Variants in RBBP8 observed in about 807,000 individuals in gnomAD.
RBBP8 encodes the protein RB binding protein 8, endonuclease.
Under a neutral mutation model 108.3 loss-of-function variants are expected in RBBP8, and 88 were observed. That is an observed-to-expected ratio of 0.81 (90% CI 0.68 to 0.97). RBBP8 has a LOEUF of 0.97. RBBP8 is among the 50% of genes least tolerant of loss of function. The pLI, the probability that RBBP8 is intolerant of heterozygous loss-of-function variation, is 0.00. For missense variants in RBBP8, 1,023 were observed against 1,049.0 expected, an observed-to-expected ratio of 0.98 and a Z score of 0.34; for synonymous variants, 332 against 348.2, an observed-to-expected ratio of 0.95 and a Z score of 0.52.
intron 18 of RBBP8, among the ~76,000 whole-genome samples, chr18:23,025,772 C>G (rs1406757963): frequency 2.6e-5 from 4 of 152,182 alleles, no homozygotes; most frequent in Non-Finnish European, 4.4e-5. Context: ...AGTTCTGGTT[C>G]TGGAATAAGA....
chr18:22,995,046 AT>A lies in RBBP8; in HGVS notation c.1939+1209del, dbSNP rs1051135056. 7.3e-5 allele frequency among the ~76,000 whole-genome samples: 11 copies of A among 150,088 alleles called. No homozygotes were observed. In the South Asian group the frequency reaches 1.1e-3, roughly 14 times the overall value. On this transcript the variant is annotated intron_variant, in intron 12 of 18. Coordinates refer to ENST00000327155, the MANE Select transcript of RBBP8 (RefSeq NM_002894.3). Reference sequence around the variant, plus strand: ...CCAGCCTGCTATCTTTAAAAAAGTAATTTTTTTTTTCAGCCACCAAACATTT... The same window carrying A: ...CCAGCCTGCTATCTTTAAAAAAGTAATTTTTTTTTCAGCCACCAAACATTT...
At chr18:22,966,791 A>G (rs1913642856) in intron 4 of RBBP8, among the ~76,000 whole-genome samples, 1 of 141,036 alleles carries the variant, frequency 7.1e-6, no homozygotes, top group Non-Finnish European at 1.5e-5. Flanking sequence ...CAATGGCACT[A>G]TCTCAGCTTA....
In RBBP8 at chr18:22,987,507, G is replaced by A. The variant is rs74967567; in HGVS notation, c.710-1714G>A. Among the ~76,000 whole-genome samples the A allele has an allele frequency of 1.6e-3, 237 of 152,226 alleles. 1 individual carries two copies. The highest frequency in any genetic ancestry group is 5.4e-3 in the African/African-American group (226 of 41,530). ...CTGTCCCTGTCACCCAGGCTGGAGT[G>A]CAGTGGCACAAACACAGCTCACTGC... On this transcript the variant is annotated intron_variant, in intron 8 of 18. Transcript: ENST00000327155.
At chr18:22,928,958 C>T (rs1190578239), upstream of RBBP8, among the ~76,000 whole-genome samples, 1 of 152,174 alleles carries the variant, frequency 6.6e-6, no homozygotes, top group Non-Finnish European at 1.5e-5. Context: ...GCGTAAGCTA[C>T]CGCACCAGTC....
At chr18:22,941,998 C>T (rs1409911853) in intron 2 of RBBP8, among the ~76,000 whole-genome samples, 1 of 152,080 alleles carries the variant, frequency 6.6e-6, no homozygotes, top group African/African-American at 2.4e-5. Flanking sequence ...ATATGTTCCA[C>T]ATAGTTCCAT....
chr18:23,014,584 G>A (rs548542432), intron 16 of RBBP8, among the ~76,000 whole-genome samples: 1 of 152,268 alleles, frequency 6.6e-6, no homozygotes, highest in East Asian at 1.9e-4. Context: ...AGTAAGCTAT[G>A]CTCATGCCAC....
chr18:22,949,551 G>T, intron 3 of RBBP8, 67 bp from the exon 4 acceptor site: 1 of 1,129,840 alleles, frequency 8.9e-7, no homozygotes. Flanking sequence ...AAACACGGTG[G>T]AGCTCTTAGA....
At chr18:22,918,612 GTTTT>G (rs1909459695) in intron 3 of RBBP8, among the ~76,000 whole-genome samples, 5 of 152,102 alleles carry the variant, frequency 3.3e-5, no homozygotes, top group African/African-American at 9.7e-5. Context: ...TGCCTTCTGA[GTTTT>G]CCAACAGCTT....
rs141490557 is a variant in RBBP8, at chr18:23,002,464, T to G, written c.2287+735T>G. Among the ~76,000 whole-genome samples, 383 of 152,312 alleles carry G rather than the reference T, an allele frequency of 2.5e-3. 2 individuals are homozygous for G. The highest frequency in any genetic ancestry group is 0.017 in the Middle Eastern group (5 of 294). On this transcript the variant is annotated intron_variant, in intron 15 of 18. Transcript: ENST00000327155. ...AGGAAAATTCAGATCTGTTTTCTGCTGTGAATGCTTTATCTTACCAGACAA... is the reference window on the plus strand; with the variant it reads ...AGGAAAATTCAGATCTGTTTTCTGCGGTGAATGCTTTATCTTACCAGACAA...
chr18:22,996,566 C>A, intron 13 of RBBP8, 104 bp downstream of exon 13: 1 of 1,511,476 alleles, frequency 6.6e-7, no homozygotes, highest in South Asian at 1.2e-5. Flanking sequence ...TAATCAGATA[C>A]GTCTTAAAAC....
At chr18:22,963,927 A>G (rs1183044647) in intron 4 of RBBP8, among the ~76,000 whole-genome samples, 1 of 152,234 alleles carries the variant, frequency 6.6e-6, no homozygotes, top group East Asian at 1.9e-4. Flanking sequence ...ATGCTTAAAA[A>G]AAATTAATGA....
At chr18:22,942,676 G>A (rs1323539789) in intron 2 of RBBP8, among the ~76,000 whole-genome samples, 1 of 151,948 alleles carries the variant, frequency 6.6e-6, no homozygotes, top group African/African-American at 2.4e-5. Flanking sequence ...TTTAAATTCC[G>A]AACTCACAGA....
At chr18:22,917,072 A>G (rs1469069944) in intron 3 of RBBP8, 6 of 152,212 alleles carry the variant, frequency 3.9e-5, no homozygotes, top group Non-Finnish European at 7.3e-5. Flanking sequence ...AACATTTTTA[A>G]TTTGAGGAAT....
At position 22,994,301 on chromosome 18, in the gene RBBP8, G is replaced by A. The variant is rs149154752; in HGVS notation, c.1939+454G>A. Among the ~76,000 whole-genome samples, 3 of 149,322 alleles carry A rather than the reference G, an allele frequency of 2.0e-5. No individual in the cohort carries two copies. In the East Asian group the frequency reaches 6.0e-4, roughly 30 times the overall value. ...GCCTCCCAAAGTGCTGGGATTACAG[G>A]CGTGAGTCACTGCGCCCGGCCACTT... On this transcript the variant is annotated intron_variant, in intron 12 of 18. Coordinates refer to ENST00000327155, the MANE Select transcript of RBBP8 (RefSeq NM_002894.3).
chr18:22,967,077 T>A (rs1913665644), intron 4 of RBBP8, among the ~76,000 whole-genome samples: 3 of 152,058 alleles, frequency 2.0e-5, no homozygotes, highest in Admixed American at 2.0e-4. Flanking sequence ...TTGAAATTAT[T>A]ATCTTTGGGC....
intron 6 of RBBP8, among the ~76,000 whole-genome samples, chr18:22,981,949 G>A (rs190500876): frequency 1.3e-5 from 2 of 152,122 alleles, no homozygotes; most frequent in African/African-American, 2.4e-5. Flanking sequence ...CAGACTGTGG[G>A]TTCTCTCCTG....
chr18:22,985,308 G>T (rs1483494586), intron 8 of RBBP8, among the ~76,000 whole-genome samples: 1 of 152,270 alleles, frequency 6.6e-6, no homozygotes, highest in East Asian at 1.9e-4. Context: ...TCCTCATGGA[G>T]CTTATGATCT....
intron 7 of RBBP8, among the ~76,000 whole-genome samples, chr18:22,983,258 C>T (rs747999705): frequency 3.3e-5 from 5 of 152,074 alleles, no homozygotes; most frequent in African/African-American, 4.8e-5. Flanking sequence ...GCATGGGGGA[C>T]GGGGGATATA....
At chr18:22,952,734 G>A (rs916519485) in intron 4 of RBBP8, among the ~76,000 whole-genome samples, 9 of 152,142 alleles carry the variant, frequency 5.9e-5, no homozygotes, top group Admixed American at 1.3e-4. Flanking sequence ...CTGTAGTGTG[G>A]TGAGGCGCTT....
Sources: allele counts gnomAD v4.1 joint callset (sites outside exome capture counted in the v4.1 genomes callset), GRCh38; gene constraint gnomAD v4.1.1; transcripts MANE v1.5; gene names NCBI Gene and HGNC (gene_info 2026-07-23, HGNC 2026-07-21).